ARL14EPL: variants seen among roughly 807,000 people sequenced by gnomAD.
ARL14EPL encodes the protein ARL14 effector protein-like.
ARL14EPL carries 17 observed loss-of-function variants against 15.9 expected under a neutral mutation model. The ratio of observed to expected loss-of-function variants is 1.07; its 90% CI spans 0.73 to 1.60. ARL14EPL has a LOEUF of 1.60. ARL14EPL is among the 40% of genes most tolerant of loss of function. The probability of loss-of-function intolerance (pLI) is 0.00; values close to 1 mark genes in which losing one functional copy is unlikely to be tolerated. For missense variants in ARL14EPL, 214 were observed against 185.9 expected, an observed-to-expected ratio of 1.15 and a Z score of -0.88; for synonymous variants, 78 against 63.8, an observed-to-expected ratio of 1.22 and a Z score of -1.06.
intron 3 of ARL14EPL, 70 bp from the exon 4 acceptor site, chr5:116,058,655 G>T (rs887182012): frequency 7.1e-7 from 1 of 1,404,036 alleles, no homozygotes; most frequent in Non-Finnish European, 9.7e-7. Context: ...GATGTTGATT[G>T]TACATTAATT....
Position 116,058,940 on chromosome 5 carries a change from C to T in ARL14EPL, c.452C>T (p.Pro151Leu). 1 of 1,535,936 alleles carries T rather than the reference C, an allele frequency of 6.5e-7. No homozygotes were observed. The highest frequency in any genetic ancestry group is 1.2e-5 in the South Asian group (1 of 84,048). ...ATCAGCACGCTGCCGTTTAATGTTC[C>T]TGACTAGGTGCTCTTGTATATGGAC... ...EVISTLPFNVPD is the reference protein window; with the variant it reads ...EVISTLPFNVLD Residue 151 changes from proline (P) to leucine (L), a missense_variant, in exon 4 of 4, where the codon CCT becomes CTT. Transcript: ENST00000686077.
intron 1 of ARL14EPL, among the ~76,000 whole-genome samples, chr5:116,049,808 G>T (rs1447195272): frequency 2.6e-5 from 4 of 152,128 alleles, no homozygotes. Context: ...CAGTGTCACT[G>T]TATTTTCCAA....
chr5:116,035,611 A>G (rs1749035633), intron 1 of ARL14EPL, among the ~76,000 whole-genome samples: 1 of 152,194 alleles, frequency 6.6e-6, no homozygotes, highest in African/African-American at 2.4e-5. Context: ...GGTAGGGGTA[A>G]CAAGGGAGGA....
chr5:116,033,412 T>G (rs543286021), intron 1 of ARL14EPL, among the ~76,000 whole-genome samples: 31 of 152,326 alleles, frequency 2.0e-4, no homozygotes, highest in Admixed American at 2.0e-3. Context: ...AATGTAAGTG[T>G]TCTCAGAACA....
intron 1 of ARL14EPL, among the ~76,000 whole-genome samples, chr5:116,050,636 C>G (rs1442378901): frequency 1.3e-5 from 2 of 152,014 alleles, no homozygotes; most frequent in Non-Finnish European, 2.9e-5. Flanking sequence ...GAAATGGCAC[C>G]CTGTAGTCAG....
At chr5:116,050,528 C>T (rs1229534083) in intron 1 of ARL14EPL, among the ~76,000 whole-genome samples, 1 of 152,122 alleles carries the variant, frequency 6.6e-6, no homozygotes, top group African/African-American at 2.4e-5. Context: ...TGGAGATTTC[C>T]CACTGATAGA....
intron 1 of ARL14EPL, among the ~76,000 whole-genome samples, chr5:116,032,837 A>G (rs1561574893): frequency 6.6e-6 from 1 of 152,090 alleles, no homozygotes; most frequent in African/African-American, 2.4e-5. Context: ...CAGTCTGTCA[A>G]TGCAGGCTGG....
At position 116,058,866 on chromosome 5, in the gene ARL14EPL, C is replaced by T; in HGVS notation, c.378C>T (p.Cys126=). 5 of 1,535,900 alleles carry T rather than the reference C, an allele frequency of 3.3e-6. No individual in the cohort carries two copies. The highest frequency in any genetic ancestry group is 4.4e-6 in the Non-Finnish European group (5 of 1,146,728). Residue 126 remains cysteine, a synonymous_variant, in exon 4 of 4, where the codon TGC becomes TGT. Coordinates refer to ENST00000686077, the MANE Select transcript of ARL14EPL (RefSeq NM_001195581.2). The part of the protein sequence containing the change: ...NSNKCGPECR[C]NRRWVYDAIV... Reference sequence around the variant, plus strand: ...ACAAGTGTGGGCCCGAGTGCCGCTGCAACCGACGGTGGGTTTACGATGCCA... The same window carrying T: ...ACAAGTGTGGGCCCGAGTGCCGCTGTAACCGACGGTGGGTTTACGATGCCA...
At chr5:116,045,102 G>A (rs964109419) in intron 1 of ARL14EPL, among the ~76,000 whole-genome samples, 1 of 152,090 alleles carries the variant, frequency 6.6e-6, no homozygotes, top group Middle Eastern at 3.2e-3. Context: ...GGCTAGTAGA[G>A]AACGAAGAGG....
chr5:116,044,004 T>G (rs1481348399), intron 1 of ARL14EPL, among the ~76,000 whole-genome samples: 1 of 152,208 alleles, frequency 6.6e-6, no homozygotes, highest in Non-Finnish European at 1.5e-5. Context: ...GCTTTGCATT[T>G]TATCAATCTG....
At chr5:116,039,313 T>TCA (rs1383289964) in intron 1 of ARL14EPL, among the ~76,000 whole-genome samples, 1 of 152,044 alleles carries the variant, frequency 6.6e-6, no homozygotes, top group Non-Finnish European at 1.5e-5. Flanking sequence ...CAAGCAAAGA[T>TCA]CACAGATTAA....
At position 116,045,774 on chromosome 5, in the gene ARL14EPL, GT is replaced by G. The variant is rs1472215305; in HGVS notation, c.-9-5682del. Among the ~76,000 whole-genome samples, 1,004 of 115,952 alleles carry G rather than the reference GT, an allele frequency of 8.7e-3. 14 individuals carry two copies. The highest frequency in any genetic ancestry group is 0.027 in the African/African-American group (966 of 36,008). 76.1% of individuals were successfully genotyped at this position (115,952 alleles called of 152,430 possible). ...TGTGTGTGTGTGTGTGTGTGTGTGT[GT>G]GTGTGTATGTGTACGAAAATACAAC... On this transcript the variant is annotated intron_variant, in intron 1 of 3. Coordinates refer to ENST00000686077, the MANE Select transcript of ARL14EPL (RefSeq NM_001195581.2).
At chr5:116,043,769 G>T (rs539867512) in intron 1 of ARL14EPL, among the ~76,000 whole-genome samples, 1 of 152,050 alleles carries the variant, frequency 6.6e-6, no homozygotes, top group Non-Finnish European at 1.5e-5. Context: ...TTCTTGGTTG[G>T]TTACAAACCT....
At chr5:116,049,909 A>C (rs1233118670) in intron 1 of ARL14EPL, among the ~76,000 whole-genome samples, 1 of 152,272 alleles carries the variant, frequency 6.6e-6, no homozygotes, top group Non-Finnish European at 1.5e-5. Context: ...ATTCTCCAAA[A>C]TAATGGCAGT....
chr5:116,059,396 T>G lies in ARL14EPL; in HGVS notation c.*449T>G, dbSNP rs1197212276. 6.0e-6 allele frequency: 1 copy of G among 165,550 alleles called. No homozygotes were observed. The highest frequency in any genetic ancestry group is 2.4e-5 in the African/African-American group (1 of 41,610). 10.3% of individuals were successfully genotyped at this position (165,550 alleles called of 1,614,324 possible). On this transcript the variant is annotated 3_prime_UTR_variant, in exon 4 of 4. Coordinates refer to ENST00000686077, the MANE Select transcript of ARL14EPL (RefSeq NM_001195581.2). ...CTGTAAATCAGAATTGCCATTTGGATTTTGAAGAAAAACTGTGACTTTGCA... is the reference window on the plus strand; with the variant it reads ...CTGTAAATCAGAATTGCCATTTGGAGTTTGAAGAAAAACTGTGACTTTGCA...
At chr5:116,053,951 G>C in intron 2 of ARL14EPL, 63 bp from the exon 3 acceptor site, 1 of 1,387,106 alleles carries the variant, frequency 7.2e-7, no homozygotes, top group Non-Finnish European at 9.6e-7. Context: ...GTTCATTTTG[G>C]GGAAATGTAA....
In ARL14EPL at chr5:116,042,595, ATTC is replaced by A. The variant is rs1370002273; in HGVS notation, c.-9-8856_-9-8854del. ...TAGTAGTACCCAGACAATAAGGGCT[ATTC>A]TTCTTGGAGCCTTTCAATTGGAGGA... On this transcript the variant is annotated intron_variant, in intron 1 of 3. Coordinates refer to ENST00000686077, the MANE Select transcript of ARL14EPL (RefSeq NM_001195581.2). Among the ~76,000 whole-genome samples the A allele has an allele frequency of 2.0e-5, 3 of 152,364 alleles. No individual in the cohort carries two copies. In the East Asian group the frequency reaches 5.8e-4, roughly 29 times the overall value.
In ARL14EPL at chr5:116,043,495, T is replaced by G. The variant is rs74976150; in HGVS notation, c.-9-7962T>G. Among the ~76,000 whole-genome samples the G allele has an allele frequency of 6.6e-3, 1,000 of 152,232 alleles. 50 individuals carry two copies. In the East Asian group the frequency reaches 0.13, roughly 20 times the overall value. On this transcript the variant is annotated intron_variant, in intron 1 of 3. Transcript: ENST00000686077. ...AAATTTAATGAGGTATTATTACCTT[T>G]GAAAAATACTCTTCAGTCTTTTAAA...
At chr5:116,039,935 A>G (rs539880580) in intron 1 of ARL14EPL, among the ~76,000 whole-genome samples, 1 of 152,170 alleles carries the variant, frequency 6.6e-6, no homozygotes, top group South Asian at 2.1e-4. Flanking sequence ...ACATTCTCAG[A>G]TCTGCTTTTG....
Sources: allele counts gnomAD v4.1 joint callset (sites outside exome capture counted in the v4.1 genomes callset), GRCh38; gene constraint gnomAD v4.1.1; transcripts MANE v1.5; gene names NCBI Gene and HGNC (gene_info 2026-07-23, HGNC 2026-07-21).